DPP6: variants seen among roughly 807,000 people sequenced by gnomAD.
DPP6 encodes the protein dipeptidyl peptidase like 6, also known as A-type potassium channel modulatory protein DPP6.
A neutral mutation model predicts 122.6 loss-of-function variants in DPP6; 69 were observed. The observed-to-expected ratio is 0.56, with a 90% CI of 0.46 to 0.69. The LOEUF (loss-of-function observed/expected upper bound fraction) is 0.69, where lower values mean the gene tolerates loss of function less well. Among genes scored for constraint, DPP6 ranks in the 30% least tolerant of loss-of-function variants. The pLI, the probability that DPP6 is intolerant of heterozygous loss-of-function variation, is 0.00. For missense variants in DPP6, 928 were observed against 1,116.9 expected (o/e 0.83, Z 2.41); for synonymous variants, 418 against 433.1 (o/e 0.97, Z 0.43).
chr7:154,766,328 A>AC (rs1554460201), intron 8 of DPP6, among the ~76,000 whole-genome samples: 1 of 151,872 alleles, frequency 6.6e-6, no homozygotes, highest in Non-Finnish European at 1.5e-5. Context: ...ATTTTATTTT[A>AC]TTTTTTTGAG....
At chr7:154,572,505 C>CTTTTTTTT (rs1831176167) in intron 5 of DPP6, among the ~76,000 whole-genome samples, 1 of 84,252 alleles carries the variant, frequency 1.2e-5, no homozygotes. Flanking sequence ...CTTTTTTTTT[C>CTTTTTTTT]TTTTCTTTTT....
At chr7:154,445,443 C>T (rs1819779701) in intron 1 of DPP6, among the ~76,000 whole-genome samples, 1 of 152,184 alleles carries the variant, frequency 6.6e-6, no homozygotes, top group Non-Finnish European at 1.5e-5. Flanking sequence ...GAACTGAAAA[C>T]TTGGTCTCAG....
chr7:154,098,505 GTAAT>G (rs1275662732), intron 1 of DPP6, among the ~76,000 whole-genome samples: 17 of 152,178 alleles, frequency 1.1e-4, no homozygotes, highest in African/African-American at 4.1e-4. Context: ...GTCTAGGCAG[GTAAT>G]TAGAGGGGCC....
intron 16 of DPP6, among the ~76,000 whole-genome samples, chr7:154,809,662 A>G (rs572355206): frequency 4.0e-4 from 61 of 152,340 alleles, no homozygotes; most frequent in African/African-American, 1.4e-3. Flanking sequence ...GCACATTCTG[A>G]GGCTGTGTTT....
intron 2 of DPP6, among the ~76,000 whole-genome samples, chr7:154,460,849 A>G (rs919302552): frequency 2.6e-5 from 4 of 152,222 alleles, no homozygotes; most frequent in Non-Finnish European, 5.9e-5. Context: ...TTGTGTTGCA[A>G]ACAATCCAAT....
At chr7:153,821,315 G>C in the DPP6 span, among the ~76,000 whole-genome samples, 1 of 147,592 alleles carries the variant, frequency 6.8e-6, no homozygotes, top group Non-Finnish European at 1.5e-5. Context: ...AAAACTACAA[G>C]TATAATCTCT....
intron 1 of DPP6, among the ~76,000 whole-genome samples, chr7:154,096,456 C>G (rs1395247760): frequency 7.4e-6 from 1 of 135,036 alleles, no homozygotes; most frequent in African/African-American, 2.8e-5. Context: ...GATTATGGAT[C>G]AGTTAAGCAA....
At chr7:154,006,855 T>C (rs936822796) in intron 1 of DPP6, among the ~76,000 whole-genome samples, 27 of 152,364 alleles carry the variant, frequency 1.8e-4, no homozygotes, top group African/African-American at 6.3e-4. Flanking sequence ...ATTGCCCTGG[T>C]TGGTGCTGCT....
chr7:154,497,658 A>T (rs1311375144), intron 3 of DPP6, among the ~76,000 whole-genome samples: 1 of 151,998 alleles, frequency 6.6e-6, no homozygotes, highest in South Asian at 2.1e-4. Context: ...GATAAATTAG[A>T]TCATCATTCA....
chr7:154,857,359 C>T (rs571926828), intron 17 of DPP6, among the ~76,000 whole-genome samples: 64 of 152,240 alleles, frequency 4.2e-4, no homozygotes, highest in Middle Eastern at 6.8e-3. Flanking sequence ...CTTCCTTGCA[C>T]GGCCATCCCT....
chr7:153,991,144 G>C (rs926964433), intron 1 of DPP6, among the ~76,000 whole-genome samples: 4 of 152,202 alleles, frequency 2.6e-5, no homozygotes, highest in African/African-American at 7.2e-5. Context: ...AGGCTGAGTG[G>C]ATGGATGGGA....
chr7:154,445,667 A>G (rs1819801077), intron 1 of DPP6, among the ~76,000 whole-genome samples: 1 of 152,234 alleles, frequency 6.6e-6, no homozygotes, highest in Non-Finnish European at 1.5e-5. Flanking sequence ...GGAAAAAAGA[A>G]AAGCCTGAAG....
At chr7:154,541,947 T>G (rs1828763225) in intron 4 of DPP6, among the ~76,000 whole-genome samples, 1 of 152,154 alleles carries the variant, frequency 6.6e-6, no homozygotes, top group Non-Finnish European at 1.5e-5. Context: ...GGCTTCATCT[T>G]TACCCTACCC....
chr7:154,298,282 A>G (rs1355881440), intron 1 of DPP6, among the ~76,000 whole-genome samples: 1 of 151,826 alleles, frequency 6.6e-6, no homozygotes, highest in Non-Finnish European at 1.5e-5. Flanking sequence ...ACACACACAT[A>G]CACACACTAT....
intron 1 of DPP6, chr7:154,093,758 G>C (rs1372491920): frequency 2.0e-5 from 3 of 152,154 alleles, no homozygotes; most frequent in Non-Finnish European, 4.4e-5. Context: ...TCTGAAGTTA[G>C]TAAATGCAGG....
At chr7:154,021,895 C>T (rs1290668733) in intron 1 of DPP6, among the ~76,000 whole-genome samples, 3 of 152,192 alleles carry the variant, frequency 2.0e-5, no homozygotes, top group Non-Finnish European at 2.9e-5. Context: ...CTCATCTTTT[C>T]TAGAAACACC....
Position 154,867,945 on chromosome 7 carries a change from T to C in DPP6, c.1715-50T>C, listed in dbSNP as rs1804028954. ...GAAAAGCCATGGCCCGCAGAGGTCC[T>C]CCATGAGTGACCACTGCATCTCAGT... is the stretch of plus-strand genomic sequence containing the variant. On this transcript the variant is annotated intron_variant, in intron 17 of 25. Coordinates refer to ENST00000377770, the MANE Select transcript of DPP6 (RefSeq NM_130797.4). 3.9e-6 allele frequency: 6 copies of C among 1,544,750 alleles called. No homozygotes were observed. The South Asian group carries it at 7.4e-5, about 19-fold the overall frequency.
intron 16 of DPP6, among the ~76,000 whole-genome samples, chr7:154,843,551 C>T (rs748868487): frequency 3.9e-5 from 6 of 152,192 alleles, no homozygotes; most frequent in South Asian, 2.1e-4. Flanking sequence ...ATTCTGACCA[C>T]GGAATTCTCA....
At chr7:154,366,643 C>T (rs754083124) in intron 1 of DPP6, among the ~76,000 whole-genome samples, 1 of 152,178 alleles carries the variant, frequency 6.6e-6, no homozygotes, top group Non-Finnish European at 1.5e-5. Context: ...CCATGGTAGG[C>T]ACCGCTGCTT....
Sources: allele counts gnomAD v4.1 joint callset (sites outside exome capture counted in the v4.1 genomes callset), GRCh38; gene constraint gnomAD v4.1.1; transcripts MANE v1.5; gene names NCBI Gene and HGNC (gene_info 2026-07-23, HGNC 2026-07-21).